KHDRBS1: variants seen among roughly 807,000 people sequenced by gnomAD.
The protein encoded by KHDRBS1 is KH RNA binding domain containing, signal transduction associated 1, also known as KH domain-containing, RNA-binding, signal transduction-associated protein 1.
A neutral mutation model predicts 48.4 loss-of-function variants in KHDRBS1; 7 were observed. The observed-to-expected ratio is 0.14, with a 90% CI of 0.08 to 0.27. KHDRBS1 has a LOEUF of 0.27. Ranked by LOEUF, KHDRBS1 falls within the 10% of genes least tolerant of loss-of-function variation. The pLI, the probability that KHDRBS1 is intolerant of heterozygous loss-of-function variation, is 1.00. For synonymous variants in KHDRBS1, 241 were observed against 235.8 expected (o/e 1.02, Z -0.20); for missense variants, 458 against 601.2 (o/e 0.76, Z 2.49).
intron 5 of KHDRBS1, 68 bp from the exon 6 acceptor site, chr1:32,037,758 GAATTTGTAA>G: frequency 6.6e-7 from 1 of 1,525,110 alleles, no homozygotes; most frequent in Non-Finnish European, 9.0e-7. Context: ...CCTAATTCCA[GAATTTGTAA>G]ACAAATCAGA....
intron 4 of KHDRBS1, among the ~76,000 whole-genome samples, chr1:32,035,400 G>A (rs1048569499): frequency 2.6e-5 from 4 of 152,116 alleles, no homozygotes; most frequent in Non-Finnish European, 5.9e-5. Context: ...TCAAAGACTA[G>A]CATCATCTAT....
At chr1:32,019,253 C>G (rs1464847512) in intron 1 of KHDRBS1, among the ~76,000 whole-genome samples, 3 of 152,094 alleles carry the variant, frequency 2.0e-5, no homozygotes, top group Non-Finnish European at 4.4e-5. Context: ...GATAGATTTA[C>G]AACAGAAAAT....
intron 10 of KHDRBS1, among the ~76,000 whole-genome samples, chr1:32,051,513 G>T (rs922338760): frequency 4.6e-5 from 7 of 152,194 alleles, no homozygotes; most frequent in Non-Finnish European, 1.0e-4. Context: ...TTATACTGCA[G>T]GCTGCTAAAG....
At chr1:32,026,575 A>G (rs1403823254) in intron 1 of KHDRBS1, among the ~76,000 whole-genome samples, 2 of 152,206 alleles carry the variant, frequency 1.3e-5, no homozygotes, top group East Asian at 1.9e-4. Context: ...ACTGGTCTTT[A>G]AGAAATGAAA....
downstream of KHDRBS1, chr1:32,045,444 A>G (rs1383655660): frequency 2.6e-5 from 4 of 152,592 alleles, no homozygotes; most frequent in Non-Finnish European, 5.9e-5. Context: ...CATAACTGTA[A>G]AACAGTTATG....
In KHDRBS1 at chr1:32,039,541, A is replaced by G; in HGVS notation, c.1202A>G (p.His401Arg). ...GACTCAGAATATTATGACTATGGACATGGGGAGGTTCAAGATTCTTATGAA... is the reference window on the plus strand; with the variant it reads ...GACTCAGAATATTATGACTATGGACGTGGGGAGGTTCAAGATTCTTATGAA... ...QGDSEYYDYG[H>R]GEVQDSYEAY... The change falls in exon 8 of 9, where the codon CAT becomes CGT. Residue 401 changes from histidine to arginine, a missense_variant. Transcript: ENST00000327300. The G allele has an allele frequency of 6.5e-7, 1 of 1,534,834 alleles. No homozygotes were observed. The highest frequency in any genetic ancestry group is 9.0e-7 in the Non-Finnish European group (1 of 1,107,686).
chr1:32,035,308 T>C (rs1411957504), intron 4 of KHDRBS1, among the ~76,000 whole-genome samples: 1 of 152,088 alleles, frequency 6.6e-6, no homozygotes, highest in Non-Finnish European at 1.5e-5. Context: ...TGGTCTGGCA[T>C]TGGTTACTTG....
In KHDRBS1 at chr1:32,018,246, G is replaced by A. The variant is rs536321225; in HGVS notation, c.382+3869G>A. Among the ~76,000 whole-genome samples, 579 of 151,790 alleles carry A rather than the reference G, an allele frequency of 3.8e-3. 4 individuals carry two copies. The highest frequency in any genetic ancestry group is 0.013 in the African/African-American group (539 of 41,390). On this transcript the variant is annotated intron_variant, in intron 1 of 8. Transcript: ENST00000327300. ...GAGGCCGAGGCAGGCAAAGCACGAGGTCAGGAGTTCGAGACCAGCCTGGCC... is the reference window on the plus strand; with the variant it reads ...GAGGCCGAGGCAGGCAAAGCACGAGATCAGGAGTTCGAGACCAGCCTGGCC...
chr1:32,036,089 G>A (rs1004938476), intron 4 of KHDRBS1, among the ~76,000 whole-genome samples: 7 of 149,118 alleles, frequency 4.7e-5, no homozygotes, highest in Admixed American at 4.7e-4. Context: ...GCTGGTTGAT[G>A]TATACTCCTT....
downstream of KHDRBS1, among the ~76,000 whole-genome samples, chr1:32,048,431 G>C (rs1357635882): frequency 1.3e-5 from 2 of 152,184 alleles, no homozygotes; most frequent in African/African-American, 4.8e-5. Flanking sequence ...GATCACTTGA[G>C]TCGAGGAGTT....
chr1:32,020,352 G>A (rs1391043445), intron 1 of KHDRBS1, among the ~76,000 whole-genome samples: 23 of 152,042 alleles, frequency 1.5e-4, no homozygotes, highest in Admixed American at 1.4e-3. Context: ...CTTGAACCCA[G>A]GAGGTCGAGG....
At chr1:32,052,996 A>G (rs2124400293) in intron 10 of KHDRBS1, among the ~76,000 whole-genome samples, 1 of 151,206 alleles carries the variant, frequency 6.6e-6, no homozygotes. Flanking sequence ...CAAAAAAAAT[A>G]AAAATAAAAA....
chr1:32,045,131 A>G (rs1639342832), downstream of KHDRBS1, among the ~76,000 whole-genome samples: 1 of 152,216 alleles, frequency 6.6e-6, no homozygotes, highest in South Asian at 2.1e-4. Flanking sequence ...CTTTCTGCTC[A>G]GCTATTTAAA....
chr1:32,037,191 C>T lies in KHDRBS1; in HGVS notation c.905+148C>T, dbSNP rs551225689. On this transcript the variant is annotated intron_variant, in intron 5 of 8. Transcript: ENST00000327300. ...AGAATTCTACAACCATACTCTCACA[C>T]CTGTAATCCCAGCACTTTAGGAGGC... 5 of 883,770 alleles carry T rather than the reference C, an allele frequency of 5.7e-6. No individual in the cohort carries two copies. The African/African-American group carries it at 6.8e-5, about 12-fold the overall frequency. The allele number at this position is 883,770 out of a possible 1,614,324, so 54.7% of individuals were successfully genotyped here. A position where few individuals can be genotyped will look rare whatever the true frequency, so the allele number is the denominator to read the frequency against.
chr1:32,016,815 T>C (rs550547929), intron 1 of KHDRBS1, among the ~76,000 whole-genome samples: 1 of 152,340 alleles, frequency 6.6e-6, no homozygotes, highest in South Asian at 2.1e-4. Flanking sequence ...ATGGCTAGAA[T>C]GTCAGCTCCA....
intron 4 of KHDRBS1, among the ~76,000 whole-genome samples, chr1:32,036,163 A>ATTTTTTTTTT (rs397742842): frequency 1.7e-5 from 1 of 60,470 alleles, no homozygotes; most frequent in Non-Finnish European, 2.8e-5. Flanking sequence ...CATTTTGAAG[A>ATTTTTTTTTT]TTTTTTTTTT....
intron 10 of KHDRBS1, among the ~76,000 whole-genome samples, chr1:32,049,424 CTTT>C (rs200632932): frequency 7.1e-6 from 1 of 140,918 alleles, no homozygotes; most frequent in African/African-American, 2.6e-5. Context: ...CTACTTTGTT[CTTT>C]TTTTTTTTTT....
intron 10 of KHDRBS1, among the ~76,000 whole-genome samples, chr1:32,058,727 A>G (rs6669900): frequency 6.6e-6 from 1 of 152,070 alleles, no homozygotes; most frequent in Non-Finnish European, 1.5e-5. Flanking sequence ...CGCTTGAGCC[A>G]AGGAAGCAGA....
intron 10 of KHDRBS1, among the ~76,000 whole-genome samples, chr1:32,053,461 G>T (rs1346798583): frequency 6.6e-6 from 1 of 152,058 alleles, no homozygotes; most frequent in Non-Finnish European, 1.5e-5. Context: ...TGTGATCATA[G>T]CTCGCTGCAG....
Sources: allele counts gnomAD v4.1 joint callset (sites outside exome capture counted in the v4.1 genomes callset), GRCh38; gene constraint gnomAD v4.1.1; transcripts MANE v1.5; gene names NCBI Gene and HGNC (gene_info 2026-07-23, HGNC 2026-07-21).